The following PLS3 variants were observed in gnomAD, a reference collection of about 807,000 sequenced individuals.
The protein encoded by PLS3 is plastin 3.
PLS3 carries 11 observed loss-of-function variants against 46.5 expected under a neutral mutation model. That is an observed-to-expected ratio of 0.24 (90% confidence interval 0.15 to 0.39). The LOEUF (loss-of-function observed/expected upper bound fraction) is 0.39, where lower values mean the gene tolerates loss of function less well. Ranked by LOEUF, PLS3 falls within the 10% of genes least tolerant of loss-of-function variation. PLS3 has a pLI of 1.00. For missense variants in PLS3, 308 were observed against 461.8 expected, an observed-to-expected ratio of 0.67 and a Z score of 3.05; for synonymous variants, 167 against 162.2, an observed-to-expected ratio of 1.03 and a Z score of -0.22.
intron 3 of PLS3, among the ~76,000 whole-genome samples, chrX:115,623,785 C>T (rs2074680383): frequency 8.9e-6 from 1 of 111,752 alleles, no homozygotes; most frequent in African/African-American, 3.3e-5. Context: ...GTACTTCCAT[C>T]AGTAACTGTG....
intron 2 of PLS3, among the ~76,000 whole-genome samples, chrX:115,615,330 C>G (rs1556636628): frequency 1.8e-5 from 2 of 111,072 alleles, no homozygotes. Flanking sequence ...ATTCAAACTT[C>G]TGCAGGAACA....
At chrX:115,606,181 T>C (rs1425531995) in intron 1 of PLS3, among the ~76,000 whole-genome samples, 6 of 80,707 alleles carry the variant, frequency 7.4e-5, no homozygotes, top group Admixed American at 1.4e-4. Context: ...TTTTTTTTTT[T>C]TTTTTTTTTG....
At chrX:115,574,583 CT>C (rs1156467493) in intron 1 of PLS3, among the ~76,000 whole-genome samples, 125 of 104,592 alleles carry the variant, frequency 1.2e-3, no homozygotes, top group Middle Eastern at 5.2e-3. Context: ...TAATATCATA[CT>C]TTTTTTTTTT....
intron 1 of PLS3, among the ~76,000 whole-genome samples, chrX:115,603,054 A>G (rs1353480627): frequency 1.8e-5 from 2 of 110,880 alleles, no homozygotes; most frequent in African/African-American, 6.6e-5. Flanking sequence ...TCCCCCTTCA[A>G]ATACCTTTCA....
intron 9 of PLS3, among the ~76,000 whole-genome samples, chrX:115,643,023 AAAC>A (rs1266497349): frequency 1.8e-5 from 2 of 111,937 alleles, no homozygotes; most frequent in Non-Finnish European, 3.8e-5. Flanking sequence ...ACAGATTTTC[AAAC>A]AAAATCTGGG....
chrX:115,617,413 G>A (rs2074608027), intron 2 of PLS3, among the ~76,000 whole-genome samples: 3 of 111,796 alleles, frequency 2.7e-5, no homozygotes, highest in Admixed American at 9.5e-5. Context: ...TTGGTTTCTC[G>A]ATGAATTGCC....
At chrX:115,627,707 T>TTAAA (rs1214409880) in intron 3 of PLS3, among the ~76,000 whole-genome samples, 1 of 112,179 alleles carries the variant, frequency 8.9e-6, no homozygotes, top group Non-Finnish European at 1.9e-5. Context: ...TTGGTTGTGT[T>TTAAA]TAGTATTTAG....
intron 1 of PLS3, among the ~76,000 whole-genome samples, chrX:115,561,592 G>C (rs928221878): frequency 3.3e-4 from 37 of 111,831 alleles, no homozygotes; most frequent in Non-Finnish European, 6.2e-4. Context: ...AGTCCTAGAC[G>C]CCAGCCCTTG....
At chrX:115,628,195 T>C (rs1259430157) in intron 3 of PLS3, among the ~76,000 whole-genome samples, 2 of 112,360 alleles carry the variant, frequency 1.8e-5, no homozygotes, top group Non-Finnish European at 3.7e-5. Flanking sequence ...TGAACTGTTA[T>C]GTATATTGTA....
chrX:115,640,561 A>ATAAG (rs2074884678), intron 9 of PLS3, 58 bp downstream of exon 9: 3 of 601,759 alleles, frequency 5.0e-6, no homozygotes, highest in Non-Finnish European at 8.3e-6. Context: ...TCAATTTCTT[A>ATAAG]TAAGTACAAT....
chrX:115,568,108 C>A (rs1019705002), intron 1 of PLS3, among the ~76,000 whole-genome samples: 1 of 110,974 alleles, frequency 9.0e-6, no homozygotes, highest in Non-Finnish European at 1.9e-5. Context: ...CCATTTTTGC[C>A]ATTTCTTGTT....
At position 115,644,654 on chromosome X, in the gene PLS3, G is replaced by C. The variant is rs782392058; in HGVS notation, c.1184-367G>C. On this transcript the variant is annotated intron_variant, in intron 10 of 15. Coordinates refer to ENST00000355899, the MANE Select transcript of PLS3 (RefSeq NM_005032.7). ...AATAATGCAAATAGTAATTCATTGA[G>C]TGTCCACTGATATTTCTATAAAACC... Among the ~76,000 whole-genome samples the C allele has an allele frequency of 1.6e-4, 18 of 110,428 alleles. No homozygotes were observed. In the East Asian group the frequency reaches 5.1e-3, roughly 31 times the overall value.
intron 3 of PLS3, among the ~76,000 whole-genome samples, chrX:115,625,465 A>G (rs1311827304): frequency 9.1e-6 from 1 of 110,411 alleles, no homozygotes; most frequent in Non-Finnish European, 1.9e-5. Context: ...CTTACAAGAT[A>G]ATGGGACTTT....
intron 8 of PLS3, among the ~76,000 whole-genome samples, chrX:115,637,785 A>AT (rs1285393350): frequency 1.8e-5 from 2 of 111,975 alleles, no homozygotes; most frequent in East Asian, 5.6e-4. Flanking sequence ...TGTGAAAACA[A>AT]TACTATGTGA....
chrX:115,643,937 A>C (rs1556641369), intron 10 of PLS3, among the ~76,000 whole-genome samples: 2 of 111,832 alleles, frequency 1.8e-5, no homozygotes, highest in Non-Finnish European at 3.8e-5. Context: ...GCGCTATTGC[A>C]CTCCAGCCTG....
At chrX:115,643,191 A>T in intron 9 of PLS3, 122 bp from the exon 10 acceptor site, 4 of 472,085 alleles carry the variant, frequency 8.5e-6, no homozygotes, top group Non-Finnish European at 7.3e-6. Flanking sequence ...AAACAATTTT[A>T]TAATAAGTAC....
intron 1 of PLS3, among the ~76,000 whole-genome samples, chrX:115,591,427 T>C (rs1451799305): frequency 8.9e-6 from 1 of 112,065 alleles, no homozygotes; most frequent in Non-Finnish European, 1.9e-5. Flanking sequence ...AGTACTGTTA[T>C]AACGACCTGT....
chrX:115,592,670 CA>C (rs2074353373), intron 1 of PLS3, among the ~76,000 whole-genome samples: 1 of 111,845 alleles, frequency 8.9e-6, no homozygotes, highest in Non-Finnish European at 1.9e-5. Context: ...ATAATGAGAG[CA>C]GTTATCACGT....
chrX:115,635,114 G>A lies in PLS3; in HGVS notation c.748+68G>A, dbSNP rs1289114136. 14 of 942,492 alleles carry A rather than the reference G, an allele frequency of 1.5e-5. No individual in the cohort carries two copies. The East Asian group carries it at 1.9e-4, about 12-fold the overall frequency. 77.7% of individuals were successfully genotyped at this position (942,492 alleles called of 1,213,427 possible). ...TTTTTCTAGTCATGCAGACTTTCGT[G>A]CTCTCACTTAATGGAGGTGATTAAA... On this transcript the variant is annotated intron_variant, in intron 7 of 15. Coordinates refer to ENST00000355899, the MANE Select transcript of PLS3 (RefSeq NM_005032.7).
Sources: gnomAD v4.1 joint callset for allele counts (sites outside exome capture counted in the v4.1 genomes callset) on GRCh38, gnomAD v4.1.1 for gene constraint, MANE v1.5 for transcripts, NCBI Gene and HGNC (gene_info 2026-07-23, HGNC 2026-07-21) for gene names.